CDK6: variants seen among roughly 807,000 people sequenced by gnomAD.
CDK6 encodes cyclin-dependent kinase 6.
Under a neutral mutation model 37.1 loss-of-function variants are expected in CDK6, and 6 were observed. The ratio of observed to expected loss-of-function variants is 0.16; its 90% CI spans 0.09 to 0.32. The LOEUF (loss-of-function observed/expected upper bound fraction) is 0.32, where lower values mean the gene tolerates loss of function less well. CDK6 is among the 10% of genes least tolerant of loss of function. The pLI is 1.00. For missense variants in CDK6, 224 were observed against 418.9 expected (o/e 0.53, Z 4.06); for synonymous variants, 160 against 161.3 (o/e 0.99, Z 0.06).
At chr7:92,786,075 T>C (rs1800123761) in intron 2 of CDK6, among the ~76,000 whole-genome samples, 1 of 152,174 alleles carries the variant, frequency 6.6e-6, no homozygotes, top group Non-Finnish European at 1.5e-5. Flanking sequence ...CTGGCTTAAG[T>C]CAGATAGAGT....
intron 2 of CDK6, among the ~76,000 whole-genome samples, chr7:92,800,740 T>G (rs1347982841): frequency 6.6e-6 from 1 of 152,208 alleles, no homozygotes; most frequent in Non-Finnish European, 1.5e-5. Flanking sequence ...GTAGCAACAT[T>G]AATTCTGGGA....
intron 3 of CDK6, among the ~76,000 whole-genome samples, chr7:92,740,853 C>T (rs1402827846): frequency 2.0e-5 from 3 of 152,092 alleles, no homozygotes; most frequent in African/African-American, 7.2e-5. Context: ...ACCTAAGCTC[C>T]TCCTCACCTC....
intron 4 of CDK6, among the ~76,000 whole-genome samples, chr7:92,708,264 C>T (rs1045206316): frequency 6.6e-6 from 1 of 152,158 alleles, no homozygotes; most frequent in Non-Finnish European, 1.5e-5. Context: ...CAAGACCACA[C>T]AAATTTGACT....
At chr7:92,672,184 G>GACACAC (rs1175195840) in intron 4 of CDK6, among the ~76,000 whole-genome samples, 2,620 of 44,012 alleles carry the variant, frequency 0.06, 225 homozygotes, top group Non-Finnish European at 0.071. Context: ...CACACACACA[G>GACACAC]ACACATACAC....
In CDK6 at chr7:92,612,486, C is replaced by T. The variant is rs1795583411; in HGVS notation, c.*2654G>A. ...AAATGGCGAATCTGGACATAAAATA[C>T]ATAAATCAAGAGAGTATTCACTCAA... On this transcript the variant is annotated 3_prime_UTR_variant, in exon 8 of 8. Coordinates refer to ENST00000424848, the MANE Select transcript of CDK6 (RefSeq NM_001145306.2). 4.3e-6 allele frequency: 1 copy of T among 232,986 alleles called. No individual in the cohort carries two copies. Among genetic ancestry groups the T allele is most frequent in the African/African-American group, 2.2e-5 (1 of 45,338 alleles). The allele number at this position is 232,986 out of a possible 1,614,324, so 14.4% of individuals were successfully genotyped here.
chr7:92,717,789 A>G (rs994563902), intron 4 of CDK6, among the ~76,000 whole-genome samples: 1 of 152,244 alleles, frequency 6.6e-6, no homozygotes. Flanking sequence ...TTCACTTCGC[A>G]AATCCACTTG....
chr7:92,635,514 C>T (rs563286525), intron 5 of CDK6, among the ~76,000 whole-genome samples: 35 of 152,250 alleles, frequency 2.3e-4, no homozygotes, highest in African/African-American at 7.0e-4. Context: ...AATAATAAAC[C>T]ATGTGAATGA....
rs1795496671 is a variant in CDK6, at chr7:92,608,917, GA to G, written c.*6222del. The G allele has an allele frequency of 4.3e-6, 1 of 232,806 alleles. No homozygotes were observed. Among genetic ancestry groups the G allele is most frequent in the African/African-American group, 2.2e-5 (1 of 45,306 alleles). The allele number at this position is 232,806 out of a possible 1,614,324, so 14.4% of individuals were successfully genotyped here. A position where few individuals can be genotyped will look rare whatever the true frequency, so the allele number is the denominator to read the frequency against. ...GCGCGCCCGGAAGGCTTTCAAGTGG[GA>G]ATCAAGTTTTGAGCACGAGCAAATG... On this transcript the variant is annotated 3_prime_UTR_variant, in exon 8 of 8. Coordinates refer to ENST00000424848, the MANE Select transcript of CDK6 (RefSeq NM_001145306.2).
At chr7:92,682,686 G>C (rs1425043536) in intron 4 of CDK6, among the ~76,000 whole-genome samples, 1 of 152,178 alleles carries the variant, frequency 6.6e-6, no homozygotes, top group Non-Finnish European at 1.5e-5. Context: ...AGAATGGAGA[G>C]TTACAGGATA....
chr7:92,636,854 G>A (rs1416014319), intron 5 of CDK6, among the ~76,000 whole-genome samples: 2 of 152,012 alleles, frequency 1.3e-5, no homozygotes, highest in East Asian at 3.9e-4. Context: ...TAGTGGAGAT[G>A]GGGTTTTGCC....
intron 3 of CDK6, among the ~76,000 whole-genome samples, chr7:92,757,784 GT>G (rs1409267239): frequency 6.6e-6 from 1 of 152,116 alleles, no homozygotes; most frequent in East Asian, 1.9e-4. Flanking sequence ...AGTGTATAGT[GT>G]TCCCTTTTCT....
chr7:92,711,422 G>T (rs1477358244), intron 4 of CDK6, among the ~76,000 whole-genome samples: 5 of 152,022 alleles, frequency 3.3e-5, no homozygotes, highest in African/African-American at 9.7e-5. Context: ...CACCCATACT[G>T]AGGGTTGTAT....
chr7:92,725,820 G>A lies in CDK6; in HGVS notation c.370-27C>T, dbSNP rs187998557. 1.4e-3 allele frequency: 2,243 copies of A among 1,594,346 alleles called. 6 individuals are homozygous for A. The highest frequency in any genetic ancestry group is 7.4e-3 in the Middle Eastern group (44 of 5,974). Reference sequence around the variant, plus strand: ...TAATAAAATTAAAAAAAGAAAATCAGTAAACACTCAAAACGGAAGTTGAGC... The same window carrying A: ...TAATAAAATTAAAAAAAGAAAATCAATAAACACTCAAAACGGAAGTTGAGC... On this transcript the variant is annotated intron_variant, in intron 3 of 7. Transcript: ENST00000424848.
At chr7:92,715,955 G>C (rs1290822083) in intron 4 of CDK6, among the ~76,000 whole-genome samples, 1 of 152,172 alleles carries the variant, frequency 6.6e-6, no homozygotes, top group East Asian at 1.9e-4. Context: ...ATCTGGCAAG[G>C]TTTGTGATCT....
intron 3 of CDK6, 108 bp downstream of exon 3, chr7:92,774,588 G>A (rs530871952): frequency 2.8e-5 from 27 of 967,194 alleles, no homozygotes; most frequent in African/African-American, 8.5e-5. Context: ...ACTATATACC[G>A]AATTCTAAAA....
Position 92,615,011 on chromosome 7 carries a change from G to T in CDK6, c.*129C>A. 3.4e-6 allele frequency: 3 copies of T among 882,806 alleles called. No individual in the cohort carries two copies. The highest frequency in any genetic ancestry group is 5.2e-6 in the Non-Finnish European group (3 of 579,492). The allele number at this position is 882,806 out of a possible 1,614,324, so 54.7% of individuals were successfully genotyped here. A position where few individuals can be genotyped will look rare whatever the true frequency, so the allele number is the denominator to read the frequency against. On this transcript the variant is annotated 3_prime_UTR_variant, in exon 8 of 8. Coordinates refer to ENST00000424848, the MANE Select transcript of CDK6 (RefSeq NM_001145306.2). Reference sequence around the variant, plus strand: ...CGGTTTCCTTGGAGAAGCAGAGCCTGTCCAGAAGACAGCAGCTGGAAGGCC... The same window carrying T: ...CGGTTTCCTTGGAGAAGCAGAGCCTTTCCAGAAGACAGCAGCTGGAAGGCC...
At chr7:92,804,380 G>A (rs367953674) in intron 2 of CDK6, among the ~76,000 whole-genome samples, 11 of 152,048 alleles carry the variant, frequency 7.2e-5, no homozygotes, top group African/African-American at 9.7e-5. Context: ...AACCTTCACC[G>A]TGGATTCTAG....
chr7:92,737,140 C>A (rs1585443135), intron 3 of CDK6, among the ~76,000 whole-genome samples: 1 of 152,234 alleles, frequency 6.6e-6, no homozygotes, highest in Non-Finnish European at 1.5e-5. Context: ...AATGTGTAAA[C>A]CTCCCAGTTT....
chr7:92,673,795 T>G (rs1797143438), intron 4 of CDK6, among the ~76,000 whole-genome samples: 1 of 152,096 alleles, frequency 6.6e-6, no homozygotes, highest in African/African-American at 2.4e-5. Context: ...TTTTTCTTTT[T>G]GAGATGGAGT....
Sources: gnomAD v4.1 joint callset for allele counts (sites outside exome capture counted in the v4.1 genomes callset) on GRCh38, gnomAD v4.1.1 for gene constraint, MANE v1.5 for transcripts, NCBI Gene and HGNC (gene_info 2026-07-23, HGNC 2026-07-21) for gene names.